SPRR2G: variants seen among roughly 807,000 people sequenced by gnomAD.
SPRR2G encodes small proline rich protein 2G.
In SPRR2G, 1 loss-of-function variant was observed where a neutral mutation model predicts 0.7. The ratio of observed to expected loss-of-function variants is 1.49; its 90% confidence interval spans 0.53 to 7.06. SPRR2G has a LOEUF of 7.06. SPRR2G is among the 30% of genes most tolerant of loss of function. The probability of loss-of-function intolerance (pLI) is 0.14; values close to 1 mark genes in which losing one functional copy is unlikely to be tolerated. For synonymous variants in SPRR2G, 38 were observed against 33.9 expected (o/e 1.12, Z -0.42); for missense variants, 96 against 88.5 (o/e 1.09, Z -0.34).
chr1:153,168,052 C>G, the SPRR2G span, among the ~76,000 whole-genome samples: 1 of 152,254 alleles, frequency 6.6e-6, no homozygotes, highest in Admixed American at 6.5e-5. Flanking sequence ...TGAGTAGTGT[C>G]TCCATCAAAG....
At chr1:153,159,392 G>T in the SPRR2G span, among the ~76,000 whole-genome samples, 1 of 152,186 alleles carries the variant, frequency 6.6e-6, no homozygotes, top group Non-Finnish European at 1.5e-5. Context: ...GAACAACTCA[G>T]CCTGGACTTC....
At chr1:153,186,209 T>G in the SPRR2G span, among the ~76,000 whole-genome samples, 600 of 152,160 alleles carry the variant, frequency 3.9e-3, 9 homozygotes, top group African/African-American at 0.013. Context: ...GGGTGAAGAG[T>G]TCTGTAGATG....
upstream of SPRR2G, among the ~76,000 whole-genome samples, chr1:153,154,585 T>A (rs776183969): frequency 2.0e-5 from 3 of 152,142 alleles, no homozygotes; most frequent in Non-Finnish European, 4.4e-5. Flanking sequence ...TCTCAGTAGG[T>A]TGCATGTTTC....
the SPRR2G span, among the ~76,000 whole-genome samples, chr1:153,189,849 A>G: frequency 6.6e-6 from 1 of 152,154 alleles, no homozygotes; most frequent in Non-Finnish European, 1.5e-5. Flanking sequence ...AAAGGACGAT[A>G]CCAACTCCTG....
At chr1:153,157,825 C>T in the SPRR2G span, among the ~76,000 whole-genome samples, 2 of 150,446 alleles carry the variant, frequency 1.3e-5, no homozygotes, top group Non-Finnish European at 2.9e-5. Context: ...AACTGACTCA[C>T]AGTTCCCCAT....
chr1:153,167,437 G>T, the SPRR2G span, among the ~76,000 whole-genome samples: 1 of 151,874 alleles, frequency 6.6e-6, no homozygotes, highest in Non-Finnish European at 1.5e-5. Context: ...TCACTCCATT[G>T]CACCCAGTCT....
the SPRR2G span, among the ~76,000 whole-genome samples, chr1:153,161,994 T>A: frequency 1.4e-4 from 21 of 152,144 alleles, no homozygotes; most frequent in Non-Finnish European, 2.2e-4. Flanking sequence ...TGGTGGTGGT[T>A]GTTGTTGTTG....
upstream of SPRR2G, among the ~76,000 whole-genome samples, chr1:153,151,715 C>G (rs904969671): frequency 6.6e-6 from 1 of 152,216 alleles, no homozygotes; most frequent in Admixed American, 6.5e-5. Flanking sequence ...ATTCAATTTA[C>G]TCCTTCACAA....
the SPRR2G span, among the ~76,000 whole-genome samples, chr1:153,160,385 T>C: frequency 6.6e-6 from 1 of 152,234 alleles, no homozygotes; most frequent in Non-Finnish European, 1.5e-5. Flanking sequence ...TGCAGCTATC[T>C]CTTAGAGATC....
chr1:153,161,556 G>C, the SPRR2G span, among the ~76,000 whole-genome samples: 1 of 152,112 alleles, frequency 6.6e-6, no homozygotes, highest in Admixed American at 6.6e-5. Flanking sequence ...TTCATTTGCT[G>C]TCAAGAGGTT....
the SPRR2G span, among the ~76,000 whole-genome samples, chr1:153,200,001 A>G: frequency 6.6e-6 from 1 of 152,118 alleles, no homozygotes; most frequent in Non-Finnish European, 1.5e-5. Context: ...AGCGAGGGAG[A>G]TTCTAATGGA....
chr1:153,193,174 G>T, the SPRR2G span, among the ~76,000 whole-genome samples: 1 of 152,056 alleles, frequency 6.6e-6, no homozygotes. Flanking sequence ...CAGGATGGTC[G>T]ATATGCATTG....
rs2101647931 is a variant in SPRR2G at position 153,150,855 on chromosome 1, AG to A, written c.-26del. 6.5e-6 allele frequency: 1 copy of A among 152,800 alleles called. No individual in the cohort carries two copies. Among genetic ancestry groups the A allele is most frequent in the South Asian group, 2.1e-4 (1 of 4,840 alleles). The allele number at this position is 152,800 out of a possible 1,614,324, so 9.5% of individuals were successfully genotyped here. A position where few individuals can be genotyped will look rare whatever the true frequency, so the allele number is the denominator to read the frequency against. ...AGCTTCTAATATTTGTACTCACCAG[AG>A]TCTTCAAAGATCTACAACTGAATGG... is the stretch of plus-strand genomic sequence containing the variant. On this transcript the variant is annotated 5_prime_UTR_variant, in exon 1 of 2. Transcript: ENST00000368748.
the SPRR2G span, among the ~76,000 whole-genome samples, chr1:153,180,553 T>A: frequency 6.6e-6 from 1 of 152,226 alleles, no homozygotes; most frequent in Non-Finnish European, 1.5e-5. Context: ...TTGGAATTTT[T>A]AAAAATAGTG....
At chr1:153,190,736 T>C in the SPRR2G span, 3 of 152,208 alleles carry the variant, frequency 2.0e-5, no homozygotes, top group African/African-American at 4.8e-5. Context: ...CAGAATTCTT[T>C]ACAGCACAAC....
At chr1:153,157,003 T>C in the SPRR2G span, among the ~76,000 whole-genome samples, 1 of 152,144 alleles carries the variant, frequency 6.6e-6, no homozygotes, top group Non-Finnish European at 1.5e-5. Context: ...ATTTACAGGG[T>C]AAACCACATG....
the SPRR2G span, among the ~76,000 whole-genome samples, chr1:153,172,908 G>A: frequency 6.6e-6 from 1 of 152,186 alleles, no homozygotes; most frequent in Non-Finnish European, 1.5e-5. Context: ...TTTTTTCAAG[G>A]TGGGGTTTTA....
chr1:153,151,918 C>A (rs546984686), upstream of SPRR2G, among the ~76,000 whole-genome samples: 5 of 152,318 alleles, frequency 3.3e-5, no homozygotes, highest in East Asian at 9.6e-4. Context: ...AACACTTCAG[C>A]TAGTATTACT....
chr1:153,172,111 A>G, the SPRR2G span, among the ~76,000 whole-genome samples: 1 of 152,166 alleles, frequency 6.6e-6, no homozygotes, highest in Non-Finnish European at 1.5e-5. Flanking sequence ...AGTGACAGTC[A>G]AGCCATGTCC....
Sources: allele counts gnomAD v4.1 joint callset (sites outside exome capture counted in the v4.1 genomes callset), GRCh38; gene constraint gnomAD v4.1.1; transcripts MANE v1.5; gene names NCBI Gene and HGNC (gene_info 2026-07-23, HGNC 2026-07-21).